UMAD1: variants seen among roughly 807,000 people sequenced by gnomAD.
UMAD1 encodes the protein UBAP1-MVB12-associated (UMA)-domain containing protein 1.
In UMAD1, 8 loss-of-function variants were observed where a neutral mutation model predicts 6.1. The ratio of observed to expected loss-of-function variants is 1.30; its 90% CI spans 0.76 to 2.35. The LOEUF is 2.35. UMAD1 is among the 30% of genes most tolerant of loss of function. The pLI, the probability that UMAD1 is intolerant of heterozygous loss-of-function variation, is 0.00. For missense variants in UMAD1, 130 were observed against 78.4 expected (o/e 1.66, Z -2.49); for synonymous variants, 56 against 31.4 (o/e 1.78, Z -2.61).
At chr7:7,847,828 G>C (rs952735055) in intron 3 of UMAD1, among the ~76,000 whole-genome samples, 3 of 152,112 alleles carry the variant, frequency 2.0e-5, no homozygotes, top group African/African-American at 7.2e-5. Context: ...TGGGATTACA[G>C]GCATGAGGCA....
intron 3 of UMAD1, among the ~76,000 whole-genome samples, chr7:7,845,218 G>C (rs1002363992): frequency 6.6e-6 from 1 of 151,880 alleles, no homozygotes; most frequent in African/African-American, 2.4e-5. Context: ...TGACGTTTTA[G>C]ATATATTGGG....
At chr7:7,717,282 C>A (rs1780940212) in intron 2 of UMAD1, among the ~76,000 whole-genome samples, 1 of 152,078 alleles carries the variant, frequency 6.6e-6, no homozygotes, top group South Asian at 2.1e-4. Flanking sequence ...GTCTCGAACT[C>A]CTGACCCCAA....
chr7:7,824,778 T>A (rs1159930784), intron 3 of UMAD1, among the ~76,000 whole-genome samples: 2 of 152,166 alleles, frequency 1.3e-5, no homozygotes, highest in Admixed American at 1.3e-4. Context: ...AGCTTTCCAC[T>A]TGGTAAAACT....
chr7:7,728,144 T>G (rs1781176709), intron 2 of UMAD1, among the ~76,000 whole-genome samples: 1 of 152,144 alleles, frequency 6.6e-6, no homozygotes, highest in Non-Finnish European at 1.5e-5. Context: ...TTCAGATATG[T>G]GTGTACATGT....
chr7:7,663,313 AG>A (rs1785522930), intron 1 of UMAD1, among the ~76,000 whole-genome samples: 1 of 151,466 alleles, frequency 6.6e-6, no homozygotes, highest in African/African-American at 2.4e-5. Context: ...ATTTTTTAAA[AG>A]TCTGAGCATA....
intron 2 of UMAD1, among the ~76,000 whole-genome samples, chr7:7,753,314 T>C (rs536305040): frequency 7.2e-5 from 11 of 152,318 alleles, no homozygotes; most frequent in African/African-American, 2.6e-4. Context: ...AAATTTACAA[T>C]TAAATTATTG....
rs114051807 is a variant in UMAD1 at position 7,712,874 on chromosome 7, G to A, written c.82+39421G>A. On this transcript the variant is annotated intron_variant, in intron 2 of 3. Transcript: ENST00000682710. ...AGAAACATAATAGGCATAGAGTGTT[G>A]TTAGAATTGGTATAAGATTTGATTT... Among the ~76,000 whole-genome samples, 288 of 152,256 alleles carry A rather than the reference G, an allele frequency of 1.9e-3. 3 individuals carry two copies. The highest frequency in any genetic ancestry group is 6.8e-3 in the African/African-American group (281 of 41,562).
intron 3 of UMAD1, among the ~76,000 whole-genome samples, chr7:7,806,076 T>C (rs1268164287): frequency 2.0e-5 from 3 of 151,558 alleles, no homozygotes; most frequent in African/African-American, 7.3e-5. Flanking sequence ...TTTGACTCCT[T>C]CTTCTCACTC....
At chr7:7,682,472 G>A (rs1345557434) in intron 2 of UMAD1, among the ~76,000 whole-genome samples, 2 of 151,926 alleles carry the variant, frequency 1.3e-5, no homozygotes, top group Non-Finnish European at 2.9e-5. Flanking sequence ...TCTCTTCATC[G>A]CTGTGTTGTT....
At chr7:7,854,660 G>A (rs1583874904) in intron 3 of UMAD1, among the ~76,000 whole-genome samples, 1 of 152,024 alleles carries the variant, frequency 6.6e-6, no homozygotes, top group African/African-American at 2.4e-5. Context: ...ATTTGGGTGG[G>A]GACACAGAGC....
intron 2 of UMAD1, among the ~76,000 whole-genome samples, chr7:7,691,623 T>C (rs1329166117): frequency 6.6e-6 from 1 of 152,230 alleles, no homozygotes; most frequent in Non-Finnish European, 1.5e-5. Flanking sequence ...AGATTCTCTA[T>C]CCAGTGACTG....
chr7:7,810,375 G>T (rs1259461476), intron 3 of UMAD1, among the ~76,000 whole-genome samples: 2 of 152,012 alleles, frequency 1.3e-5, no homozygotes, highest in East Asian at 1.9e-4. Context: ...TAAGAAAATA[G>T]TCTTTTAAAT....
chr7:7,699,848 C>G (rs1478091424), intron 2 of UMAD1, among the ~76,000 whole-genome samples: 1 of 152,188 alleles, frequency 6.6e-6, no homozygotes, highest in East Asian at 1.9e-4. Context: ...GAACTCTAAA[C>G]TGAGCTCTGG....
At chr7:7,779,595 G>A (rs1782303548) in intron 2 of UMAD1, among the ~76,000 whole-genome samples, 1 of 151,966 alleles carries the variant, frequency 6.6e-6, no homozygotes, top group Non-Finnish European at 1.5e-5. Flanking sequence ...ACCATGCCCA[G>A]CCCCGTTTTT....
chr7:7,823,763 A>G (rs1475742517), intron 3 of UMAD1, among the ~76,000 whole-genome samples: 4 of 152,192 alleles, frequency 2.6e-5, no homozygotes, highest in Non-Finnish European at 5.9e-5. Context: ...AGATTTCAAT[A>G]TGAGAAATCT....
intron 2 of UMAD1, among the ~76,000 whole-genome samples, chr7:7,800,297 A>T (rs766195499): frequency 2.6e-5 from 4 of 152,274 alleles, no homozygotes; most frequent in African/African-American, 9.6e-5. Context: ...GTTGCACAAA[A>T]CAGAGAACAA....
chr7:7,743,228 G>A (rs1344718251), intron 2 of UMAD1, among the ~76,000 whole-genome samples: 1 of 152,154 alleles, frequency 6.6e-6, no homozygotes, highest in African/African-American at 2.4e-5. Context: ...TAAAATTAAA[G>A]TAGGGGATAA....
At chr7:7,782,916 A>G (rs1782377771) in intron 2 of UMAD1, among the ~76,000 whole-genome samples, 1 of 152,052 alleles carries the variant, frequency 6.6e-6, no homozygotes, top group Non-Finnish European at 1.5e-5. Flanking sequence ...TATTTTTTAT[A>G]CAGACAGGGT....
intron 2 of UMAD1, among the ~76,000 whole-genome samples, chr7:7,778,203 T>C (rs1333684845): frequency 6.6e-6 from 1 of 151,184 alleles, no homozygotes; most frequent in African/African-American, 2.4e-5. Context: ...CCAGCCGTCA[T>C]CTTGGCTTCT....
Sources: gnomAD v4.1 joint callset for allele counts (sites outside exome capture counted in the v4.1 genomes callset) on GRCh38, gnomAD v4.1.1 for gene constraint, MANE v1.5 for transcripts, NCBI Gene and HGNC (gene_info 2026-07-23, HGNC 2026-07-21) for gene names.